Variants in USP48 observed in about 807,000 individuals in gnomAD.
The protein encoded by USP48 is ubiquitin specific peptidase 48.
In USP48, 43 loss-of-function variants were observed where a neutral mutation model predicts 150.7. The observed-to-expected ratio is 0.29, with a 90% CI of 0.22 to 0.37. USP48 has a LOEUF of 0.37. Ranked by LOEUF, USP48 falls within the 10% of genes least tolerant of loss-of-function variation. The pLI, the probability that USP48 is intolerant of heterozygous loss-of-function variation, is 1.00. For synonymous variants in USP48, 396 were observed against 425.9 expected (o/e 0.93, Z 0.86); for missense variants, 813 against 1,249.6 (o/e 0.65, Z 5.27).
Position 21,753,124 on chromosome 1 carries a change from TAAA to T in USP48, c.413-8_413-6del. The T allele has an allele frequency of 6.3e-7, 1 of 1,591,128 alleles. No individual in the cohort carries two copies. Among genetic ancestry groups the T allele is most frequent in the East Asian group, 2.2e-5 (1 of 44,668 alleles). The stretch of plus-strand genomic sequence containing the variant: ...AAATTGTTTGAGGCTCATAATCTAT[TAAA>T]ACAAAAATATAGATTTGGGGTTTTT... On this transcript the variant is annotated splice_polypyrimidine_tract_variant and splice_region_variant and intron_variant, in intron 3 of 26. Coordinates refer to ENST00000308271, the MANE Select transcript of USP48 (RefSeq NM_032236.8).
intron 15 of USP48, among the ~76,000 whole-genome samples, chr1:21,712,129 C>T (rs2097691861): frequency 6.6e-6 from 1 of 152,206 alleles, no homozygotes; most frequent in African/African-American, 2.4e-5. Context: ...GAGGCCAAGA[C>T]AGGCAGATCA....
At position 21,770,160 on chromosome 1, in the gene USP48, C is replaced by A. The variant is rs1470073937; in HGVS notation, c.135-12377G>T. Among the ~76,000 whole-genome samples, 26 of 128,650 alleles carry A rather than the reference C, an allele frequency of 2.0e-4. No homozygotes were observed. The Middle Eastern group carries it at 0.019, about 94-fold the overall frequency. The allele number at this position is 128,650 out of a possible 152,430, so 84.4% of individuals were successfully genotyped here. The stretch of plus-strand genomic sequence containing the variant: ...CAACATATTGAGACCTCGTCCTCCA[C>A]CAAAAAAAAAAAAAAATTGTACAGC... On this transcript the variant is annotated intron_variant, in intron 1 of 26. Coordinates refer to ENST00000308271, the MANE Select transcript of USP48 (RefSeq NM_032236.8).
Position 21,748,126 on chromosome 1 carries a change from G to A in USP48, c.908+12C>T. 6.2e-7 allele frequency: 1 copy of A among 1,609,864 alleles called. No homozygotes were observed. On this transcript the variant is annotated intron_variant, in intron 7 of 26. Transcript: ENST00000308271. ...CAATGAACAACAAACACTAATATTTGCACACATTTACCTGTCAAAGACAAA... is the reference window on the plus strand; with the variant it reads ...CAATGAACAACAAACACTAATATTTACACACATTTACCTGTCAAAGACAAA...
intron 22 of USP48, among the ~76,000 whole-genome samples, chr1:21,696,321 C>A (rs942916069): frequency 6.6e-6 from 1 of 152,178 alleles, no homozygotes; most frequent in African/African-American, 2.4e-5. Flanking sequence ...TGCCTGTAAT[C>A]CCAGCTACTA....
intron 22 of USP48, among the ~76,000 whole-genome samples, chr1:21,699,901 T>C (rs552576065): frequency 6.6e-6 from 1 of 151,168 alleles, no homozygotes; most frequent in East Asian, 2.0e-4. Context: ...ATGGCTTGTA[T>C]AGACCACAGA....
At chr1:21,744,318 C>T (rs763759816) in intron 8 of USP48, among the ~76,000 whole-genome samples, 6 of 151,662 alleles carry the variant, frequency 4.0e-5, no homozygotes, top group Admixed American at 2.0e-4. Context: ...CGATGGCATG[C>T]GTCTGTAGTC....
intron 13 of USP48, 124 bp downstream of exon 13, chr1:21,721,526 T>C (rs947671590): frequency 3.5e-5 from 25 of 712,848 alleles, no homozygotes; most frequent in Non-Finnish European, 5.2e-5. Flanking sequence ...GGCTCTACCA[T>C]CCACTTTATC....
At chr1:21,734,136 T>C (rs1009393067) in intron 9 of USP48, among the ~76,000 whole-genome samples, 4 of 152,202 alleles carry the variant, frequency 2.6e-5, no homozygotes, top group Admixed American at 1.3e-4. Context: ...CGGAAGCTCA[T>C]GTCTGTAATG....
chr1:21,679,375 T>G lies in USP48; in HGVS notation c.*42A>C. 1.2e-6 allele frequency: 2 copies of G among 1,613,480 alleles called. No individual in the cohort carries two copies. Among genetic ancestry groups the G allele is most frequent in the Non-Finnish European group, 1.7e-6 (2 of 1,179,426 alleles). On this transcript the variant is annotated 3_prime_UTR_variant, in exon 27 of 27. Coordinates refer to ENST00000308271, the MANE Select transcript of USP48 (RefSeq NM_032236.8). ...ATGCCCTAACATGTCAAACTCCTCTTCCCCTCTGGTCATTTCTTAGCAGTC... is the reference window on the plus strand; with the variant it reads ...ATGCCCTAACATGTCAAACTCCTCTGCCCCTCTGGTCATTTCTTAGCAGTC...
chr1:21,722,281 T>C (rs976712927), intron 12 of USP48, among the ~76,000 whole-genome samples: 1 of 151,826 alleles, frequency 6.6e-6, no homozygotes, highest in Non-Finnish European at 1.5e-5. Flanking sequence ...TAGTGGCTCA[T>C]ACCACCAAGA....
intron 12 of USP48, among the ~76,000 whole-genome samples, chr1:21,723,413 G>T (rs771061464): frequency 1.3e-5 from 2 of 151,732 alleles, no homozygotes; most frequent in African/African-American, 4.8e-5. Context: ...TCAGCTACTC[G>T]GGAGGCTCGA....
At chr1:21,729,858 C>T (rs2097752020) in intron 9 of USP48, 26 bp from the exon 10 acceptor site, 3 of 1,613,384 alleles carry the variant, frequency 1.9e-6, no homozygotes, top group Non-Finnish European at 2.5e-6. Context: ...CAAAAGGTAC[C>T]TTAACTTAAG....
intron 1 of USP48, among the ~76,000 whole-genome samples, chr1:21,773,719 A>G (rs2097889062): frequency 6.6e-6 from 1 of 152,196 alleles, no homozygotes. Flanking sequence ...TTTCTCATCT[A>G]GCAACCTAAG....
At chr1:21,744,011 T>C (rs2097788082) in intron 8 of USP48, among the ~76,000 whole-genome samples, 1 of 152,196 alleles carries the variant, frequency 6.6e-6, no homozygotes, top group Non-Finnish European at 1.5e-5. Context: ...TAGTATTCCC[T>C]ATATCATTAA....
intron 24 of USP48, among the ~76,000 whole-genome samples, chr1:21,688,385 AT>A (rs2097585401): frequency 6.6e-6 from 1 of 151,392 alleles, no homozygotes; most frequent in African/African-American, 2.4e-5. Flanking sequence ...CGCTTGGCCA[AT>A]TTTCTTGTAT....
At chr1:21,756,913 GA>G (rs1411091627) in intron 2 of USP48, 1 of 985,244 alleles carries the variant, frequency 1.0e-6, no homozygotes, top group African/African-American at 1.7e-5. Context: ...AAAGACTTCG[GA>G]CGGCATCACT....
intron 3 of USP48, 93 bp downstream of exon 3, chr1:21,756,453 C>T: frequency 7.1e-7 from 1 of 1,399,916 alleles, no homozygotes; most frequent in Non-Finnish European, 9.5e-7. Context: ...TTCACTCTGG[C>T]TTGGGAAACA....
intron 12 of USP48, among the ~76,000 whole-genome samples, chr1:21,722,985 T>C (rs760214617): frequency 1.3e-5 from 2 of 152,150 alleles, no homozygotes; most frequent in Non-Finnish European, 2.9e-5. Flanking sequence ...AAAAAGTGTA[T>C]TGGGGAGGGA....
chr1:21,693,664 A>AAAAAT (rs1435912463), intron 23 of USP48, among the ~76,000 whole-genome samples: 1 of 152,256 alleles, frequency 6.6e-6, no homozygotes, highest in Non-Finnish European at 1.5e-5. Flanking sequence ...CTTTAGGCAC[A>AAAAAT]GGGGCTCTTT....
Sources: gnomAD v4.1 joint callset for allele counts (sites outside exome capture counted in the v4.1 genomes callset) on GRCh38, gnomAD v4.1.1 for gene constraint, MANE v1.5 for transcripts, NCBI Gene and HGNC (gene_info 2026-07-23, HGNC 2026-07-21) for gene names.